PPP1R1B: variants seen among roughly 807,000 people sequenced by gnomAD.
The protein encoded by PPP1R1B is protein phosphatase 1 regulatory inhibitor subunit 1B, also known as protein phosphatase 1 regulatory subunit 1B.
Under a neutral mutation model 28.2 loss-of-function variants are expected in PPP1R1B, and 13 were observed. That is an observed-to-expected ratio of 0.46 (90% CI 0.30 to 0.73). The LOEUF (loss-of-function observed/expected upper bound fraction) is 0.73, where lower values mean the gene tolerates loss of function less well. PPP1R1B is among the 30% of genes least tolerant of loss of function. The pLI is 0.07. For synonymous variants in PPP1R1B, 102 were observed against 97.5 expected, an observed-to-expected ratio of 1.05 and a Z score of -0.27; for missense variants, 236 against 256.7, an observed-to-expected ratio of 0.92 and a Z score of 0.55.
chr17:39,634,140 A>C, intron 5 of PPP1R1B, 54 bp downstream of exon 5: 2 of 1,604,680 alleles, frequency 1.2e-6, no homozygotes, highest in Non-Finnish European at 8.5e-7. Flanking sequence ...CCTTGAGTAT[A>C]CGAGGACGTC....
Position 39,633,891 on chromosome 17 carries a change from C to G in PPP1R1B, c.250C>G (p.Arg84Gly). 1 of 1,613,560 alleles carries G rather than the reference C, an allele frequency of 6.2e-7. No homozygotes were observed. Among genetic ancestry groups the G allele is most frequent in the Non-Finnish European group, 8.5e-7 (1 of 1,179,754 alleles). ...YTPPSLKAVQRIAESHLQSIS... is the reference protein window; with the variant it reads ...YTPPSLKAVQGIAESHLQSIS... ...GGTCTCCTCTGTGCCAGCTGTGCAGCGCATTGCTGAGTCTCACCTGCAGTC... is the reference window on the plus strand; with the variant it reads ...GGTCTCCTCTGTGCCAGCTGTGCAGGGCATTGCTGAGTCTCACCTGCAGTC... Residue 84 changes from arginine (R) to glycine (G), a missense_variant, in exon 5 of 7, where the codon CGC becomes GGC. Arg to Gly is a moderately radical substitution (Grantham distance 125). Coordinates refer to ENST00000254079, the MANE Select transcript of PPP1R1B (RefSeq NM_032192.4).
At chr17:39,630,178 C>A in intron 4 of PPP1R1B, 131 bp downstream of exon 4, 1 of 885,454 alleles carries the variant, frequency 1.1e-6, no homozygotes, top group Non-Finnish European at 1.8e-6. Context: ...GGCGCAACAA[C>A]CCAACGTAAA....
intron 5 of PPP1R1B, among the ~76,000 whole-genome samples, chr17:39,634,432 G>A (rs2056902086): frequency 1.3e-5 from 2 of 152,218 alleles, no homozygotes; most frequent in Admixed American, 6.5e-5. Flanking sequence ...AGGACCAGGA[G>A]AGTCCAACAC....
chr17:39,635,910 T>C lies in PPP1R1B; in HGVS notation c.*45T>C, dbSNP rs930153038. 9.4e-6 allele frequency: 15 copies of C among 1,602,278 alleles called. No homozygotes were observed. In the East Asian group the frequency reaches 3.4e-4, roughly 36 times the overall value. Reference sequence around the variant, plus strand: ...CAGGAGGAAGTGGAGGGGACATCGCTGTTCCCCAGAAACCCACTCTATCCT... The same window carrying C: ...CAGGAGGAAGTGGAGGGGACATCGCCGTTCCCCAGAAACCCACTCTATCCT... On this transcript the variant is annotated 3_prime_UTR_variant, in exon 7 of 7. Transcript: ENST00000254079.
rs2144831475 is a variant in PPP1R1B, at chr17:39,627,132, G to A, written c.-261G>A. 2.3e-6 allele frequency: 1 copy of A among 442,860 alleles called. No individual in the cohort carries two copies. The highest frequency in any genetic ancestry group is 4.0e-6 in the Non-Finnish European group (1 of 251,854). The allele number at this position is 442,860 out of a possible 1,614,324, so 27.4% of individuals were successfully genotyped here. A position where few individuals can be genotyped will look rare whatever the true frequency, so the allele number is the denominator to read the frequency against. On this transcript the variant is annotated 5_prime_UTR_variant, in exon 1 of 7. Coordinates refer to ENST00000254079, the MANE Select transcript of PPP1R1B (RefSeq NM_032192.4). ...GACACCCAGGCCGGGGAGCGCGAGGGAGCGAGGCACAGACCTGGCTCAGCG... is the reference window on the plus strand; with the variant it reads ...GACACCCAGGCCGGGGAGCGCGAGGAAGCGAGGCACAGACCTGGCTCAGCG...
At chr17:39,634,201 G>T in intron 5 of PPP1R1B, 115 bp downstream of exon 5, 1 of 1,322,178 alleles carries the variant, frequency 7.6e-7, no homozygotes, top group Non-Finnish European at 1.1e-6. Flanking sequence ...CACCACAGGG[G>T]CCTCCCTGTC....
chr17:39,635,975 C>A lies in PPP1R1B; in HGVS notation c.*110C>A, dbSNP rs975708507. The A allele has an allele frequency of 2.5e-6, 3 of 1,196,108 alleles. No individual in the cohort carries two copies. The highest frequency in any genetic ancestry group is 3.6e-6 in the Non-Finnish European group (3 of 843,324). The allele number at this position is 1,196,108 out of a possible 1,614,324, so 74.1% of individuals were successfully genotyped here. On this transcript the variant is annotated 3_prime_UTR_variant, in exon 7 of 7. Coordinates refer to ENST00000254079, the MANE Select transcript of PPP1R1B (RefSeq NM_032192.4). ...CTCTTCCCCTCGCCTGCTAGGGCTG[C>A]GGCTTCTGACTTCTAGAAGACTAAG... is the stretch of plus-strand genomic sequence containing the variant.
chr17:39,630,760 A>T (rs1477955657), intron 4 of PPP1R1B, among the ~76,000 whole-genome samples: 1 of 152,096 alleles, frequency 6.6e-6, no homozygotes, highest in Non-Finnish European at 1.5e-5. Context: ...CCCCATCTCT[A>T]TGAAAAATTT....
At chr17:39,633,513 G>A (rs550036647) in intron 4 of PPP1R1B, 1 of 210,920 alleles carries the variant, frequency 4.7e-6, no homozygotes, top group Admixed American at 5.2e-5. Flanking sequence ...GCTTGAAGCT[G>A]GGAGACACTG....
At chr17:39,634,201 GC>G (rs770099958) in intron 5 of PPP1R1B, 115 bp downstream of exon 5, 134 of 1,322,060 alleles carry the variant, frequency 1.0e-4, no homozygotes, top group Non-Finnish European at 1.3e-4. Context: ...CACCACAGGG[GC>G]CTCCCTGTCT....
chr17:39,630,272 G>A, intron 4 of PPP1R1B: 2 of 537,450 alleles, frequency 3.7e-6, no homozygotes, highest in South Asian at 4.6e-5. Context: ...ACATCGGGTT[G>A]TGGGCTTGAA....
At chr17:39,629,834 G>A (rs1003126888) in intron 3 of PPP1R1B, 138 bp from the exon 4 acceptor site, 1 of 971,834 alleles carries the variant, frequency 1.0e-6, no homozygotes, top group African/African-American at 1.6e-5. Context: ...ACAGGGTGGG[G>A]AGGCTCAGCC....
chr17:39,635,964 T>G lies in PPP1R1B; in HGVS notation c.*99T>G. ...CCTGTTTTGTGCTCTTCCCCTCGCC[T>G]GCTAGGGCTGCGGCTTCTGACTTCT... On this transcript the variant is annotated 3_prime_UTR_variant, in exon 7 of 7. Transcript: ENST00000254079. 6.9e-6 allele frequency: 9 copies of G among 1,309,406 alleles called. No homozygotes were observed. Among genetic ancestry groups the G allele is most frequent in the Admixed American group, 2.0e-5 (1 of 49,960 alleles). 81.1% of individuals were successfully genotyped at this position (1,309,406 alleles called of 1,614,324 possible). A position where few individuals can be genotyped will look rare whatever the true frequency, so the allele number is the denominator to read the frequency against.
chr17:39,629,121 G>A (rs754195165), intron 1 of PPP1R1B, 49 bp from the exon 2 acceptor site: 9 of 1,573,558 alleles, frequency 5.7e-6, no homozygotes, highest in African/African-American at 1.4e-5. Context: ...CTGGGGGTGG[G>A]GGAGGGCTGC....
intron 1 of PPP1R1B, chr17:39,628,550 G>A: frequency 8.1e-6 from 8 of 985,742 alleles, no homozygotes; most frequent in Non-Finnish European, 9.6e-6. Context: ...TACAGAGACT[G>A]GAAAAGAAGC....
chr17:39,627,438 C>A lies in PPP1R1B; in HGVS notation c.46C>A (p.Pro16Thr). The change falls in exon 1 of 7, where the codon CCC (proline) becomes ACC (threonine). Residue 16 changes from proline (P) to threonine (T), a missense_variant. Physicochemically the swap from Pro to Thr is conservative, Grantham distance 38. Transcript: ENST00000254079. ...GAAGATCCAGTTCTCGGTGCCCGCGCCCCCTAGCCAGCTCGACCCCCGCCA... is the reference window on the plus strand; with the variant it reads ...GAAGATCCAGTTCTCGGTGCCCGCGACCCCTAGCCAGCTCGACCCCCGCCA... ...RKKIQFSVPA[P>T]PSQLDPRQVE... is the part of the protein sequence containing the mutation. 3 of 1,602,428 alleles carry A rather than the reference C, an allele frequency of 1.9e-6. No homozygotes were observed. Among genetic ancestry groups the A allele is most frequent in the Non-Finnish European group, 2.6e-6 (3 of 1,175,796 alleles).
chr17:39,634,445 C>G (rs1056857388), intron 5 of PPP1R1B, among the ~76,000 whole-genome samples: 1 of 152,230 alleles, frequency 6.6e-6, no homozygotes, highest in African/African-American at 2.4e-5. Context: ...TCCAACACCC[C>G]TGTCACCTGC....
chr17:39,627,466 T>C lies in PPP1R1B; in HGVS notation c.74T>C (p.Val25Ala). ...APPSQLDPRQ[V>A]EMIRRRRPTP... ...CCTAGCCAGCTCGACCCCCGCCAGG[T>C]GGAGATGGTAAGGGGCCCGTGCCCC... Residue 25 changes from valine to alanine, a missense_variant, in exon 1 of 7, where the codon GTG (valine) becomes GCG (alanine). Physicochemically the swap from Val to Ala is moderately conservative, Grantham distance 64. Transcript: ENST00000254079. 1.3e-6 allele frequency: 2 copies of C among 1,577,466 alleles called. No homozygotes were observed. The highest frequency in any genetic ancestry group is 1.7e-6 in the Non-Finnish European group (2 of 1,159,638).
rs575979340 is a variant in PPP1R1B at position 39,635,457 on chromosome 17, G to A, written c.446-150G>A. ...TACGTAAGCCATATGGCTAGTTGCT[G>A]GGAGAGCTGTTCTAGCCCAGTTCTC... On this transcript the variant is annotated intron_variant, in intron 5 of 6. Coordinates refer to ENST00000254079, the MANE Select transcript of PPP1R1B (RefSeq NM_032192.4). The A allele has an allele frequency of 3.3e-4, 340 of 1,020,466 alleles. No homozygotes were observed. The African/African-American group carries it at 4.7e-3, about 14-fold the overall frequency. The allele number at this position is 1,020,466 out of a possible 1,614,324, so 63.2% of individuals were successfully genotyped here.
Sources: gnomAD v4.1 joint callset for allele counts (sites outside exome capture counted in the v4.1 genomes callset) on GRCh38, gnomAD v4.1.1 for gene constraint, MANE v1.5 for transcripts, NCBI Gene and HGNC (gene_info 2026-07-23, HGNC 2026-07-21) for gene names.